Variants in ATRNL1 observed in about 807,000 individuals in gnomAD.
ATRNL1 encodes attractin like 1, also known as attractin-like protein 1.
A neutral mutation model predicts 182.7 loss-of-function variants in ATRNL1; 95 were observed. The ratio of observed to expected loss-of-function variants is 0.52; its 90% CI spans 0.44 to 0.62. The LOEUF (loss-of-function observed/expected upper bound fraction) is 0.62, where lower values mean the gene tolerates loss of function less well. ATRNL1 is among the 20% of genes least tolerant of loss of function. ATRNL1 has a pLI of 0.00. For synonymous variants in ATRNL1, 576 were observed against 568.3 expected (o/e 1.01, Z -0.19); for missense variants, 1,471 against 1,679.5 (o/e 0.88, Z 2.17).
chr10:115,801,021 A>T (rs1243649490), intron 27 of ATRNL1, among the ~76,000 whole-genome samples: 1 of 152,184 alleles, frequency 6.6e-6, no homozygotes, highest in Non-Finnish European at 1.5e-5. Context: ...TCACATCCCC[A>T]TCTTCCAGTC....
intron 26 of ATRNL1, among the ~76,000 whole-genome samples, chr10:115,686,255 A>T (rs934902920): frequency 2.6e-5 from 4 of 152,022 alleles, no homozygotes; most frequent in Non-Finnish European, 5.9e-5. Flanking sequence ...ATGGTTGAAG[A>T]CGAAGCATTG....
intron 5 of ATRNL1, among the ~76,000 whole-genome samples, chr10:115,129,934 G>A (rs1236637133): frequency 6.6e-6 from 1 of 152,160 alleles, no homozygotes; most frequent in African/African-American, 2.4e-5. Context: ...CAAAGGGACT[G>A]CAGTATATGA....
chr10:115,377,832 T>C (rs1387803842), intron 19 of ATRNL1, among the ~76,000 whole-genome samples: 1 of 152,182 alleles, frequency 6.6e-6, no homozygotes, highest in East Asian at 1.9e-4. Context: ...ATGATGACAC[T>C]GCTACTGGGG....
At chr10:115,125,171 G>A (rs1380663905) in intron 3 of ATRNL1, among the ~76,000 whole-genome samples, 2 of 152,146 alleles carry the variant, frequency 1.3e-5, no homozygotes, top group Non-Finnish European at 2.9e-5. Context: ...AGCAATCAGT[G>A]ACATTTACTT....
chr10:115,781,521 A>G (rs1949265595), intron 27 of ATRNL1, among the ~76,000 whole-genome samples: 1 of 152,222 alleles, frequency 6.6e-6, no homozygotes, highest in African/African-American at 2.4e-5. Context: ...ATGCAACCAT[A>G]TGGGTGAATC....
chr10:115,729,507 G>A (rs910056082), intron 27 of ATRNL1, among the ~76,000 whole-genome samples: 94 of 149,308 alleles, frequency 6.3e-4, no homozygotes, highest in Admixed American at 8.7e-4. Flanking sequence ...GTGTGTGTGT[G>A]TGTGTGTGTG....
chr10:115,298,111 A>ATATG (rs1205762415), intron 15 of ATRNL1, among the ~76,000 whole-genome samples: 1 of 152,202 alleles, frequency 6.6e-6, no homozygotes, highest in Admixed American at 6.5e-5. Flanking sequence ...CTGCAAGGTG[A>ATATG]CATTCAATTA....
rs539356307 is a variant in ATRNL1 at position 115,702,639 on chromosome 10, A to G, written c.3796-24609A>G. ...ACACAAATCAGCAGGATTTCTATACACCAGTAACATTCAAGCTGAGAACCA... is the reference window on the plus strand; with the variant it reads ...ACACAAATCAGCAGGATTTCTATACGCCAGTAACATTCAAGCTGAGAACCA... On this transcript the variant is annotated intron_variant, in intron 26 of 28. Transcript: ENST00000355044. Among the ~76,000 whole-genome samples, 11 of 152,102 alleles carry G rather than the reference A, an allele frequency of 7.2e-5. No homozygotes were observed. The East Asian group carries it at 7.8e-4, about 11-fold the overall frequency.
intron 27 of ATRNL1, among the ~76,000 whole-genome samples, chr10:115,798,922 G>T (rs903084872): frequency 6.6e-6 from 1 of 150,936 alleles, no homozygotes; most frequent in African/African-American, 2.4e-5. Context: ...CGCTTCCTGG[G>T]CTCAAGTGAT....
chr10:115,422,042 A>G (rs963970109), intron 20 of ATRNL1, among the ~76,000 whole-genome samples: 2 of 152,194 alleles, frequency 1.3e-5, no homozygotes, highest in Non-Finnish European at 2.9e-5. Flanking sequence ...ACAAAAGTCA[A>G]CTCAAAATGG....
intron 19 of ATRNL1, among the ~76,000 whole-genome samples, chr10:115,343,300 G>A (rs935545355): frequency 1.8e-4 from 28 of 151,996 alleles, no homozygotes; most frequent in African/African-American, 6.5e-4. Context: ...CTGTAGATGT[G>A]GTTCATTGTT....
chr10:115,152,455 G>A (rs1175825526), intron 5 of ATRNL1, among the ~76,000 whole-genome samples: 1 of 152,038 alleles, frequency 6.6e-6, no homozygotes, highest in Non-Finnish European at 1.5e-5. Context: ...GGATTCCTAG[G>A]TATTTTATTC....
Position 115,775,170 on chromosome 10 carries a change from GTTT to G in ATRNL1, c.3903+47816_3903+47818del, listed in dbSNP as rs1555077537. ...AACTCTAACTGCATACTTCTGAAATGTTTACCCCCGAATGATCCCTTCTAAAAC... is the reference window on the plus strand; with the variant it reads ...AACTCTAACTGCATACTTCTGAAATGACCCCCGAATGATCCCTTCTAAAAC... On this transcript the variant is annotated intron_variant, in intron 27 of 28. Transcript: ENST00000355044. 3.9e-5 allele frequency among the ~76,000 whole-genome samples: 6 copies of G among 152,218 alleles called. No individual in the cohort carries two copies. In the South Asian group the frequency reaches 1.2e-3, roughly 32 times the overall value.
intron 24 of ATRNL1, among the ~76,000 whole-genome samples, chr10:115,480,456 T>C (rs560690060): frequency 6.6e-6 from 1 of 151,260 alleles, no homozygotes; most frequent in African/African-American, 2.4e-5. Context: ...TACACTTTTT[T>C]CTTTTTTAAA....
intron 27 of ATRNL1, among the ~76,000 whole-genome samples, chr10:115,773,445 G>C (rs1348917197): frequency 6.6e-6 from 1 of 152,038 alleles, no homozygotes; most frequent in African/African-American, 2.4e-5. Context: ...TTACTATATA[G>C]CTTATGCTAA....
intron 19 of ATRNL1, among the ~76,000 whole-genome samples, chr10:115,337,213 A>C (rs1554937017): frequency 1.3e-5 from 2 of 152,054 alleles, no homozygotes; most frequent in African/African-American, 4.8e-5. Flanking sequence ...TTGTGGGTAC[A>C]TAGTAGGTGT....
intron 5 of ATRNL1, among the ~76,000 whole-genome samples, chr10:115,130,456 GTACT>G (rs1475173406): frequency 6.6e-6 from 1 of 152,038 alleles, no homozygotes; most frequent in African/African-American, 2.4e-5. Context: ...GGTATGTTGA[GTACT>G]TACTTAGAGG....
chr10:115,107,326 A>C (rs534666382), intron 1 of ATRNL1, among the ~76,000 whole-genome samples: 2 of 152,352 alleles, frequency 1.3e-5, no homozygotes, highest in Admixed American at 1.3e-4. Context: ...TTCCCGTTCC[A>C]AAAGAAAAAA....
intron 5 of ATRNL1, among the ~76,000 whole-genome samples, chr10:115,156,224 C>G (rs1307614721): frequency 1.3e-5 from 2 of 151,992 alleles, no homozygotes; most frequent in Non-Finnish European, 2.9e-5. Context: ...CCCTGCATAC[C>G]TAATTAATAT....
Sources: gnomAD v4.1 joint callset for allele counts (sites outside exome capture counted in the v4.1 genomes callset) on GRCh38, gnomAD v4.1.1 for gene constraint, MANE v1.5 for transcripts, NCBI Gene and HGNC (gene_info 2026-07-23, HGNC 2026-07-21) for gene names.